The following KIT variants were observed in gnomAD, a reference collection of about 807,000 sequenced individuals.
The protein encoded by KIT is mast/stem cell growth factor receptor Kit.
Under a neutral mutation model 105.7 loss-of-function variants are expected in KIT, and 16 were observed. The observed-to-expected ratio is 0.15, with a 90% CI of 0.10 to 0.23. The LOEUF is 0.23. Ranked by LOEUF, KIT falls within the 10% of genes least tolerant of loss-of-function variation. The probability of loss-of-function intolerance (pLI) is 1.00; values close to 1 mark genes in which losing one functional copy is unlikely to be tolerated. For missense variants in KIT, 858 were observed against 1,213.8 expected, an observed-to-expected ratio of 0.71 and a Z score of 4.36; for synonymous variants, 438 against 441.1, an observed-to-expected ratio of 0.99 and a Z score of 0.09.
At chr4:54,728,256 G>A in intron 13 of KIT, 135 bp downstream of exon 13, 2 of 733,612 alleles carry the variant, frequency 2.7e-6, no homozygotes, top group Non-Finnish European at 4.8e-6. Context: ...TCTCTTGCTA[G>A]ATTTTGTTTT....
intron 20 of KIT, among the ~76,000 whole-genome samples, chr4:54,738,208 C>T (rs923946399): frequency 2.0e-5 from 3 of 152,032 alleles, no homozygotes; most frequent in African/African-American, 7.2e-5. Flanking sequence ...TTTGTCCCCA[C>T]TTCTTGTATA....
chr4:54,699,408 C>T (rs747250005), intron 3 of KIT, among the ~76,000 whole-genome samples: 19 of 152,124 alleles, frequency 1.2e-4, no homozygotes, highest in Non-Finnish European at 2.2e-4. Flanking sequence ...TATAATCTCA[C>T]AGTGGGCATT....
At chr4:54,670,486 C>T (rs1325176213) in intron 1 of KIT, among the ~76,000 whole-genome samples, 1 of 152,132 alleles carries the variant, frequency 6.6e-6, no homozygotes, top group African/African-American at 2.4e-5. Context: ...TTACTTGGAT[C>T]ACAAGTTGCC....
rs777031731 is a variant in KIT, at chr4:54,698,409, C to T, written c.463C>T (p.Pro155Ser). 105 of 1,614,038 alleles carry T rather than the reference C, an allele frequency of 6.5e-5. 1 individual carries two copies. The highest frequency in any genetic ancestry group is 8.0e-5 in the Non-Finnish European group (94 of 1,180,032). The change falls in exon 3 of 21, where the codon CCT (proline) becomes TCT (serine). Residue 155 changes from proline to serine, a missense_variant. This residue lies in a region of KIT where 401 missense variants were observed against 601.0 expected (regional missense o/e 0.67). Coordinates refer to ENST00000288135, the MANE Select transcript of KIT (RefSeq NM_000222.3). ...NYSLKGCQGK[P>S]LPKDLRFIPD... ...TTCCCTCAAGGGGTGCCAGGGGAAGCCTCTTCCCAAGGACTTGAGGTTTAT... is the reference window on the plus strand; with the variant it reads ...TTCCCTCAAGGGGTGCCAGGGGAAGTCTCTTCCCAAGGACTTGAGGTTTAT...
chr4:54,682,304 G>T (rs1191032666), intron 1 of KIT, among the ~76,000 whole-genome samples: 1 of 151,910 alleles, frequency 6.6e-6, no homozygotes, highest in African/African-American at 2.4e-5. Context: ...TGCACAAGCT[G>T]GTCTTGAGCT....
rs1404387908 is a variant in KIT, at chr4:54,695,596, G to A, written c.152G>A (p.Gly51Asp). 2 of 1,614,026 alleles carry A rather than the reference G, an allele frequency of 1.2e-6. No individual in the cohort carries two copies. The highest frequency in any genetic ancestry group is 1.7e-6 in the Non-Finnish European group (2 of 1,180,020). Reference protein sequence around the residue: ...PGKSDLIVRVGDEIRLLCTDP... With the variant: ...PGKSDLIVRVDDEIRLLCTDP... ...AAATCAGACTTAATAGTCCGCGTGGGCGACGAGATTAGGCTGTTATGCACT... is the reference window on the plus strand; with the variant it reads ...AAATCAGACTTAATAGTCCGCGTGGACGACGAGATTAGGCTGTTATGCACT... The change falls in exon 2 of 21, where the codon GGC (glycine) becomes GAC (aspartate). Residue 51 changes from glycine (G) to aspartate (D), a missense_variant. This residue lies in a region of KIT where 401 missense variants were observed against 601.0 expected (regional missense o/e 0.67). Transcript: ENST00000288135.
At chr4:54,696,070 T>A (rs895024894) in intron 2 of KIT, among the ~76,000 whole-genome samples, 2 of 152,030 alleles carry the variant, frequency 1.3e-5, no homozygotes, top group Non-Finnish European at 2.9e-5. Context: ...TGAGAATCAA[T>A]TAGGCCCTTT....
intron 8 of KIT, 88 bp from the exon 9 acceptor site, chr4:54,725,769 T>C: frequency 1.6e-6 from 2 of 1,216,730 alleles, no homozygotes; most frequent in Admixed American, 2.0e-5. Context: ...CCTCTAACTT[T>C]GTTTTAAAAG....
intron 1 of KIT, among the ~76,000 whole-genome samples, chr4:54,681,544 A>G (rs1005075870): frequency 6.6e-6 from 1 of 152,182 alleles, no homozygotes; most frequent in South Asian, 2.1e-4. Flanking sequence ...AAGAGAATAT[A>G]TTAAGTAGTC....
At chr4:54,682,665 A>G (rs1011614250) in intron 1 of KIT, among the ~76,000 whole-genome samples, 1 of 151,816 alleles carries the variant, frequency 6.6e-6, no homozygotes, top group African/African-American at 2.4e-5. Flanking sequence ...CCTAACCTCA[A>G]GTGATCCATC....
At chr4:54,687,419 C>T (rs780319115) in intron 1 of KIT, among the ~76,000 whole-genome samples, 3 of 151,476 alleles carry the variant, frequency 2.0e-5, no homozygotes, top group Admixed American at 1.3e-4. Context: ...GCCTGGGCGA[C>T]GACAGAGCAA....
intron 14 of KIT, 21 bp from the exon 15 acceptor site, chr4:54,731,307 G>A (rs2109791918): frequency 6.4e-7 from 1 of 1,565,714 alleles, no homozygotes; most frequent in Non-Finnish European, 8.8e-7. Flanking sequence ...ATTCAGTCAT[G>A]ACTTGTTTCA....
At chr4:54,680,517 G>T (rs542106483) in intron 1 of KIT, among the ~76,000 whole-genome samples, 1 of 150,918 alleles carries the variant, frequency 6.6e-6, no homozygotes, top group South Asian at 2.1e-4. Context: ...TCAGCCTGCC[G>T]AGTAGCTGGG....
intron 7 of KIT, among the ~76,000 whole-genome samples, chr4:54,718,688 T>C (rs1271215340): frequency 6.6e-6 from 1 of 152,180 alleles, no homozygotes; most frequent in Non-Finnish European, 1.5e-5. Context: ...GAAAATCACT[T>C]CATTAAGAGA....
intron 19 of KIT, 26 bp downstream of exon 19, chr4:54,736,846 A>C: frequency 6.4e-7 from 1 of 1,565,968 alleles, no homozygotes; most frequent in Non-Finnish European, 8.8e-7. Context: ...TTTTTCCTTT[A>C]GGTCACGTTT....
chr4:54,694,922 T>G (rs1719952483), intron 1 of KIT, among the ~76,000 whole-genome samples: 1 of 152,212 alleles, frequency 6.6e-6, no homozygotes, highest in Admixed American at 6.5e-5. Context: ...CTAGGAAACC[T>G]ATTTAGGCAT....
chr4:54,668,538 G>A (rs550676109), intron 1 of KIT, among the ~76,000 whole-genome samples: 1 of 152,252 alleles, frequency 6.6e-6, no homozygotes, highest in East Asian at 1.9e-4. Flanking sequence ...TGGCCTATGC[G>A]GGTTCTTAAG....
intron 8 of KIT, among the ~76,000 whole-genome samples, chr4:54,724,121 C>T (rs966353082): frequency 6.6e-6 from 1 of 152,172 alleles, no homozygotes; most frequent in African/African-American, 2.4e-5. Flanking sequence ...TTACAACATA[C>T]ATATGGCATT....
At chr4:54,734,572 T>G (rs1417713050) in intron 17 of KIT, among the ~76,000 whole-genome samples, 1 of 152,210 alleles carries the variant, frequency 6.6e-6, no homozygotes. Context: ...GATTGTAGAC[T>G]CCAGTTCAAG....
Sources: gnomAD v4.1 joint callset for allele counts (sites outside exome capture counted in the v4.1 genomes callset) on GRCh38, gnomAD v4.1.1 for gene constraint, gnomAD v4.1.1 regional missense constraint, MANE v1.5 for transcripts, NCBI Gene and HGNC (gene_info 2026-07-23, HGNC 2026-07-21) for gene names.